NPRL3: variants seen among roughly 807,000 people sequenced by gnomAD.
The protein encoded by NPRL3 is NPR3 like, GATOR1 complex subunit, also known as GATOR1 complex protein NPRL3.
NPRL3 carries 23 observed loss-of-function variants against 57.2 expected under a neutral mutation model. That is an observed-to-expected ratio of 0.40 (90% CI 0.29 to 0.57). The LOEUF (loss-of-function observed/expected upper bound fraction) is 0.57. Among genes scored for constraint, NPRL3 ranks in the 20% least tolerant of loss-of-function variants. The probability of loss-of-function intolerance (pLI) is 0.42; values close to 1 mark genes in which losing one functional copy is unlikely to be tolerated. For synonymous variants in NPRL3, 333 were observed against 321.1 expected, an observed-to-expected ratio of 1.04 and a Z score of -0.39; for missense variants, 691 against 767.1, an observed-to-expected ratio of 0.90 and a Z score of 1.17.
chr16:126,545 C>G (rs1308562490), intron 3 of NPRL3, among the ~76,000 whole-genome samples: 1 of 152,060 alleles, frequency 6.6e-6, no homozygotes, highest in Non-Finnish European at 1.5e-5. Flanking sequence ...GAGGTAGTGG[C>G]CTAAGCACTG....
intron 7 of NPRL3, among the ~76,000 whole-genome samples, chr16:104,391 G>A (rs1357641211): frequency 6.6e-6 from 1 of 152,162 alleles, no homozygotes; most frequent in Non-Finnish European, 1.5e-5. Flanking sequence ...GAAAGGAACA[G>A]GGGCTTGGAA....
At chr16:120,147 C>T (rs1900222610) in intron 3 of NPRL3, among the ~76,000 whole-genome samples, 1 of 152,140 alleles carries the variant, frequency 6.6e-6, no homozygotes, top group Non-Finnish European at 1.5e-5. Flanking sequence ...AAATGTACTA[C>T]CTCTGATCTG....
At chr16:95,725 A>G (rs1378060422) in intron 9 of NPRL3, among the ~76,000 whole-genome samples, 1 of 152,086 alleles carries the variant, frequency 6.6e-6, no homozygotes, top group East Asian at 1.9e-4. Context: ...ACACACCACC[A>G]TGCCCAGCTA....
At chr16:117,482 G>C (rs1900093667) in intron 4 of NPRL3, 107 bp from the exon 5 acceptor site, 2 of 731,070 alleles carry the variant, frequency 2.7e-6, no homozygotes, top group East Asian at 5.5e-5. Flanking sequence ...ACAGCACCAA[G>C]GTCTTGGAAA....
intron 8 of NPRL3, among the ~76,000 whole-genome samples, chr16:100,149 G>A (rs1176724384): frequency 6.6e-6 from 1 of 152,018 alleles, no homozygotes; most frequent in Non-Finnish European, 1.5e-5. Flanking sequence ...CTAAGGTGGT[G>A]CCAGAAGGGC....
At position 125,435 on chromosome 16, in the gene NPRL3, C is replaced by T. The variant is rs116706451; in HGVS notation, c.188+5087G>A. 3.1e-3 allele frequency among the ~76,000 whole-genome samples: 468 copies of T among 152,290 alleles called. 2 individuals carry two copies. Among genetic ancestry groups the T allele is most frequent in the African/African-American group, 0.011 (440 of 41,548 alleles). On this transcript the variant is annotated intron_variant, in intron 3 of 13. Coordinates refer to ENST00000611875, the MANE Select transcript of NPRL3 (RefSeq NM_001077350.3). ...AGTAAGCACAGAGGGCTTCTGAGTC[C>T]GGCAATGCTCCATTTCCTGACAGGA... is the stretch of plus-strand genomic sequence containing the variant.
chr16:102,448 C>T lies in NPRL3; in HGVS notation c.630-1939G>A, dbSNP rs192249773. Among the ~76,000 whole-genome samples, 218 of 152,296 alleles carry T rather than the reference C, an allele frequency of 1.4e-3. 1 individual carries two copies. The highest frequency in any genetic ancestry group is 5.0e-3 in the African/African-American group (207 of 41,564). ...CCTTCCTTGTGTCCTGCACAGGGAA[C>T]GCAGCCTGTGAAGCCTCACAATGAC... On this transcript the variant is annotated intron_variant, in intron 7 of 13. Transcript: ENST00000611875.
chr16:127,648 A>G (rs541367553), intron 3 of NPRL3, among the ~76,000 whole-genome samples: 9 of 151,818 alleles, frequency 5.9e-5, no homozygotes, highest in Admixed American at 1.3e-4. Flanking sequence ...GCAACTGAGC[A>G]AGTGAATTTT....
chr16:113,448 T>G (rs2141951439), intron 5 of NPRL3, among the ~76,000 whole-genome samples: 1 of 152,310 alleles, frequency 6.6e-6, no homozygotes. Context: ...CCATGATGAC[T>G]GGGTCAAAGG....
At chr16:118,107 A>G (rs1239953051) in intron 4 of NPRL3, among the ~76,000 whole-genome samples, 1 of 152,194 alleles carries the variant, frequency 6.6e-6, no homozygotes, top group Non-Finnish European at 1.5e-5. Context: ...GGTGCGGTAC[A>G]GGGGACCAGG....
chr16:105,903 T>C (rs917389281), intron 7 of NPRL3, among the ~76,000 whole-genome samples: 4 of 152,180 alleles, frequency 2.6e-5, no homozygotes, highest in African/African-American at 9.7e-5. Flanking sequence ...GGCACAAGTG[T>C]TGGGGTGGCC....
At chr16:117,567 T>C (rs1014381229) in intron 4 of NPRL3, among the ~76,000 whole-genome samples, 192 bp from the exon 5 acceptor site, 1 of 152,038 alleles carries the variant, frequency 6.6e-6, no homozygotes, top group Non-Finnish European at 1.5e-5. Context: ...AGTGGGAAGG[T>C]CAGTGCTCTG....
Position 85,721 on chromosome 16 carries a change from G to T in NPRL3, c.*984C>A, listed in dbSNP as rs774779521. 13 of 1,531,602 alleles carry T rather than the reference G, an allele frequency of 8.5e-6. No individual in the cohort carries two copies. In the East Asian group the frequency reaches 2.5e-4, roughly 29 times the overall value. The allele number at this position is 1,531,602 out of a possible 1,614,324, so 94.9% of individuals were successfully genotyped here. On this transcript the variant is annotated 3_prime_UTR_variant, in exon 14 of 14. Transcript: ENST00000611875. ...GAAACCCCTCCGCTTCTATGTCCGG[G>T]GCAGCCCCTGGGTCAGTGTGGTCGA...
intron 9 of NPRL3, among the ~76,000 whole-genome samples, chr16:93,738 G>C (rs976097939): frequency 6.6e-6 from 1 of 151,878 alleles, no homozygotes; most frequent in Non-Finnish European, 1.5e-5. Context: ...GCTAATTTTT[G>C]TATTTTTAGT....
chr16:95,384 C>CAA (rs1181867314), intron 9 of NPRL3, among the ~76,000 whole-genome samples: 2 of 116,106 alleles, frequency 1.7e-5, no homozygotes, highest in African/African-American at 6.1e-5. Flanking sequence ...CACACACACA[C>CAA]AATAAAATGT....
rs11289693 is a variant in NPRL3, at chr16:99,635, CAAA to C, written c.767+734_767+736del. ...TTGAGCCCCGAGCAAGACTACATCT[CAAA>C]AAAAAAAAAAAAAAAGTCAATTAAA... On this transcript the variant is annotated intron_variant, in intron 8 of 13. Coordinates refer to ENST00000611875, the MANE Select transcript of NPRL3 (RefSeq NM_001077350.3). 8.6e-3 allele frequency among the ~76,000 whole-genome samples: 1,020 copies of C among 119,210 alleles called. 7 individuals carry two copies. Among genetic ancestry groups the C allele is most frequent in the African/African-American group, 0.019 (592 of 31,506 alleles). 78.2% of individuals were successfully genotyped at this position (119,210 alleles called of 152,430 possible).
At chr16:91,503 T>TTATC (rs1898763675) in intron 11 of NPRL3, among the ~76,000 whole-genome samples, 1 of 152,162 alleles carries the variant, frequency 6.6e-6, no homozygotes, top group Non-Finnish European at 1.5e-5. Context: ...AGCCACTCCG[T>TTATC]TATCTAGACC....
chr16:100,471 CTGT>C lies in NPRL3; in HGVS notation c.665_667del (p.Asn222del). On this transcript the variant is annotated inframe_deletion, in exon 8 of 14. Transcript: ENST00000611875. Reference sequence around the variant, plus strand: ...CAGGCAGAAGCTCACCTCCAGCCAGCTGTTGATGTGAAGCCGAACTACGCCCGA... The same window carrying C: ...CAGGCAGAAGCTCACCTCCAGCCAGCTGATGTGAAGCCGAACTACGCCCGA... 6.2e-7 allele frequency: 1 copy of C among 1,601,410 alleles called. No individual in the cohort carries two copies. Among genetic ancestry groups the C allele is most frequent in the Non-Finnish European group, 8.5e-7 (1 of 1,175,462 alleles).
chr16:93,137 CAG>C (rs1596499933), intron 10 of NPRL3, 80 bp downstream of exon 10: 2 of 926,468 alleles, frequency 2.2e-6, no homozygotes, highest in East Asian at 2.6e-5. Context: ...CTGGCCAACA[CAG>C]AGAACAGCAT....
Sources: gnomAD v4.1 joint callset for allele counts (sites outside exome capture counted in the v4.1 genomes callset) on GRCh38, gnomAD v4.1.1 for gene constraint, MANE v1.5 for transcripts, NCBI Gene and HGNC (gene_info 2026-07-23, HGNC 2026-07-21) for gene names.